The following ARHGAP45 variants were observed in gnomAD, a reference collection of about 807,000 sequenced individuals.
The protein encoded by ARHGAP45 is rho GTPase-activating protein 45.
A neutral mutation model predicts 116.1 loss-of-function variants in ARHGAP45; 56 were observed. The observed-to-expected ratio is 0.48, with a 90% CI of 0.39 to 0.60. ARHGAP45 has a LOEUF of 0.60. Among genes scored for constraint, ARHGAP45 ranks in the 20% least tolerant of loss-of-function variants. The pLI is 0.00. For missense variants in ARHGAP45, 1,622 were observed against 1,601.0 expected, an observed-to-expected ratio of 1.01 and a Z score of -0.22; for synonymous variants, 866 against 701.7, an observed-to-expected ratio of 1.23 and a Z score of -3.70.
At position 1,080,071 on chromosome 19, in the gene ARHGAP45, G is replaced by A. The variant is rs768213812; in HGVS notation, c.1656G>A (p.Glu552=). Reference sequence around the variant, plus strand: ...TGCGCCAGCTGCAGCGGGACCAGGAGCCCGATGTGCACTACGACTTTGAGC... The same window carrying A: ...TGCGCCAGCTGCAGCGGGACCAGGAACCCGATGTGCACTACGACTTTGAGC... ...SHVRQLQRDQ[E]PDVHYDFEPH... The change falls in exon 13 of 23, where the codon GAG becomes GAA. Residue 552 remains glutamate (E), a synonymous_variant. Transcript: ENST00000313093. 6.2e-7 allele frequency: 1 copy of A among 1,612,562 alleles called. No homozygotes were observed. Among genetic ancestry groups the A allele is most frequent in the Non-Finnish European group, 8.5e-7 (1 of 1,179,920 alleles).
At position 1,069,322 on chromosome 19, in the gene ARHGAP45, G is replaced by A. The variant is rs759359290; in HGVS notation, c.421+578G>A. Among the ~76,000 whole-genome samples, 27 of 152,174 alleles carry A rather than the reference G, an allele frequency of 1.8e-4. No homozygotes were observed. Among genetic ancestry groups the A allele is most frequent in the Non-Finnish European group, 3.7e-4 (25 of 68,014 alleles). ...GGCAGTTCCGTTTTCTCCTCCACGC[G>A]GCCGCTGACAGCCCTGCTTCCTGCC... On this transcript the variant is annotated intron_variant, in intron 2 of 22. Transcript: ENST00000313093. The surrounding 1 kb of genome is among the most constrained non-coding windows in gnomAD (Gnocchi z 4.1).
chr19:1,075,080 C>T (rs1370326496), intron 10 of ARHGAP45, among the ~76,000 whole-genome samples: 1 of 151,910 alleles, frequency 6.6e-6, no homozygotes, highest in African/African-American at 2.4e-5. Context: ...TCGCCCCCAG[C>T]TCTGCCTGGA....
intron 21 of ARHGAP45, among the ~76,000 whole-genome samples, chr19:1,083,572 G>T (rs1037308913): frequency 2.6e-5 from 4 of 152,120 alleles, no homozygotes; most frequent in African/African-American, 9.7e-5. Flanking sequence ...CTCTGCGGCC[G>T]CCCCTCCACT....
At chr19:1,065,991 C>T, upstream of ARHGAP45, 1 of 1,529,374 alleles carries the variant, frequency 6.5e-7, no homozygotes, top group South Asian at 1.2e-5. Context: ...CGACATCCAG[C>T]TGACCCTCAC....
rs1456527678 is a variant in ARHGAP45 at position 1,073,299 on chromosome 19, C to G, written c.565+7C>G. ...CTCATTGCCAAGGTCAAAGGTCAGC[C>G]TGCTGGAACAGGGCTGCGAGGGCTC... On this transcript the variant is annotated splice_region_variant and intron_variant, in intron 3 of 22. Coordinates refer to ENST00000313093, the MANE Select transcript of ARHGAP45 (RefSeq NM_012292.5). 2 of 1,612,778 alleles carry G rather than the reference C, an allele frequency of 1.2e-6. No individual in the cohort carries two copies.
intron 11 of ARHGAP45, among the ~76,000 whole-genome samples, 165 bp from the exon 12 acceptor site, chr19:1,079,538 C>T (rs2043364043): frequency 6.6e-6 from 1 of 151,484 alleles, no homozygotes; most frequent in Admixed American, 6.6e-5. Flanking sequence ...AGGGTCTCAC[C>T]ATGTTGCTCA....
intron 10 of ARHGAP45, among the ~76,000 whole-genome samples, chr19:1,076,736 A>T (rs1172407993): frequency 6.6e-6 from 1 of 151,762 alleles, no homozygotes; most frequent in African/African-American, 2.4e-5. Context: ...ACCTCAGGTA[A>T]TCTGCCCACC....
chr19:1,085,320 C>T (rs1394876622), intron 22 of ARHGAP45, among the ~76,000 whole-genome samples: 4 of 152,148 alleles, frequency 2.6e-5, no homozygotes, highest in African/African-American at 9.7e-5. Context: ...GACGCACCTC[C>T]AGGATTCAAC....
rs892133954 is a variant in ARHGAP45 at position 1,069,595 on chromosome 19, G to C, written c.421+851G>C. ...GACCTCAAGTGGTGGAGTGGCCTCT[G>C]CACCTTCAGGGCACTAGTTGGGGAA... On this transcript the variant is annotated intron_variant, in intron 2 of 22. Coordinates refer to ENST00000313093, the MANE Select transcript of ARHGAP45 (RefSeq NM_012292.5). The surrounding 1 kb of genome is among the most constrained non-coding windows in gnomAD (Gnocchi z 4.1). 6.6e-6 allele frequency among the ~76,000 whole-genome samples: 1 copy of C among 152,210 alleles called. No individual in the cohort carries two copies. Among genetic ancestry groups the C allele is most frequent in the Non-Finnish European group, 1.5e-5 (1 of 68,030 alleles).
At chr19:1,067,141 G>C, upstream of ARHGAP45, 2 of 1,164,240 alleles carry the variant, frequency 1.7e-6, no homozygotes, top group Non-Finnish European at 2.1e-6. Flanking sequence ...GCTGGGGGCG[G>C]GGCCTGCGAC....
chr19:1,067,720 G>T, intron 1 of ARHGAP45: 1 of 692,526 alleles, frequency 1.4e-6, no homozygotes, highest in South Asian at 1.5e-5. Context: ...CTCCATCCAG[G>T]GCTGGCCGCG....
chr19:1,066,137 C>T (rs2144993291), upstream of ARHGAP45: 1 of 1,535,614 alleles, frequency 6.5e-7, no homozygotes, highest in Middle Eastern at 1.7e-4. Flanking sequence ...TGTCCTGTGC[C>T]CCAGAGATCT....
rs558253914 is a variant in ARHGAP45, at chr19:1,075,456, G to A, written c.1185+577G>A. On this transcript the variant is annotated intron_variant, in intron 10 of 22. Coordinates refer to ENST00000313093, the MANE Select transcript of ARHGAP45 (RefSeq NM_012292.5). ...GACGGGGTTTCACCATAGTGGTCAG[G>A]CTGGTCTCGAACTCCTGACCTCAGG... Among the ~76,000 whole-genome samples, 219 of 152,074 alleles carry A rather than the reference G, an allele frequency of 1.4e-3. 1 individual carries two copies. The highest frequency in any genetic ancestry group is 6.8e-3 in the Middle Eastern group (2 of 294).
chr19:1,085,425 C>T (rs1207103890), intron 22 of ARHGAP45, among the ~76,000 whole-genome samples: 1 of 151,930 alleles, frequency 6.6e-6, no homozygotes, highest in Non-Finnish European at 1.5e-5. Context: ...CTATCAACAC[C>T]TCTCTCCTTC....
In ARHGAP45 at chr19:1,081,049, T is replaced by G. The variant is rs1268255497; in HGVS notation, c.2175T>G (p.Gly725=). ...RECNSYVYFQ[G]AECEECCLAC... ...GCAACAGCTACGTCTACTTCCAGGG[T>G]GCTGAGTGTGAAGAGGTGAGTGGGA... Residue 725 remains glycine, a synonymous_variant, in exon 17 of 23, where the codon GGT becomes GGG. Transcript: ENST00000313093. 2.5e-6 allele frequency: 4 copies of G among 1,607,142 alleles called. No homozygotes were observed. In the Admixed American group the frequency reaches 6.8e-5, roughly 27 times the overall value.
At chr19:1,073,781 C>T (rs770584615) in intron 5 of ARHGAP45, 35 bp downstream of exon 5, 3 of 1,558,576 alleles carry the variant, frequency 1.9e-6, no homozygotes, top group Non-Finnish European at 2.6e-6. Flanking sequence ...CTGTGTCCAG[C>T]TTCTGGAGGC....
intron 10 of ARHGAP45, 104 bp downstream of exon 10, chr19:1,074,983 C>A: frequency 1.0e-6 from 1 of 959,752 alleles, no homozygotes; most frequent in Non-Finnish European, 1.4e-6. Context: ...GAGCTCCGCA[C>A]ACGCCCCGGC....
intron 2 of ARHGAP45, 52 bp from the exon 3 acceptor site, chr19:1,073,097 T>C: frequency 6.5e-7 from 1 of 1,549,250 alleles, no homozygotes; most frequent in South Asian, 1.2e-5. Context: ...GTGGACAGAC[T>C]TTCCCTGGGA....
chr19:1,084,380 A>AAC, intron 22 of ARHGAP45, 34 bp downstream of exon 22: 1 of 1,551,726 alleles, frequency 6.4e-7, no homozygotes, highest in South Asian at 1.1e-5. Flanking sequence ...GCCCCAAGGG[A>AAC]GGCTGGCGTG....
Sources: gnomAD v4.1 joint callset for allele counts (sites outside exome capture counted in the v4.1 genomes callset) on GRCh38, gnomAD v4.1.1 for gene constraint, Gnocchi (gnomAD v3.1) non-coding constraint, MANE v1.5 for transcripts, NCBI Gene and HGNC (gene_info 2026-07-23, HGNC 2026-07-21) for gene names.